TMEM245: variants seen among roughly 807,000 people sequenced by gnomAD.
TMEM245 encodes transmembrane protein 245.
Under a neutral mutation model 101.2 loss-of-function variants are expected in TMEM245, and 69 were observed. That is an observed-to-expected ratio of 0.68 (90% confidence interval 0.56 to 0.83). The LOEUF is 0.83. Ranked by LOEUF, TMEM245 falls within the 40% of genes least tolerant of loss-of-function variation. The pLI is 0.00. For synonymous variants in TMEM245, 537 were observed against 449.8 expected (o/e 1.19, Z -2.45); for missense variants, 1,075 against 1,092.8 (o/e 0.98, Z 0.23).
intron 3 of TMEM245, among the ~76,000 whole-genome samples, chr9:109,105,648 G>A (rs933440816): frequency 1.3e-5 from 2 of 152,132 alleles, no homozygotes; most frequent in Non-Finnish European, 2.9e-5. Context: ...CTCTTACCAT[G>A]GAATATTATT....
At chr9:109,073,589 T>C in intron 8 of TMEM245, 151 bp from the exon 9 acceptor site, 1 of 588,362 alleles carries the variant, frequency 1.7e-6, no homozygotes, top group Non-Finnish European at 3.0e-6. Flanking sequence ...CAGCGCAAAG[T>C]TACTATACAT....
chr9:109,034,508 G>A (rs759156787), intron 16 of TMEM245, among the ~76,000 whole-genome samples: 4 of 152,134 alleles, frequency 2.6e-5, no homozygotes, highest in Non-Finnish European at 1.5e-5. Flanking sequence ...ATGCAGTGCC[G>A]CAATCACAGC....
intron 14 of TMEM245, chr9:109,039,444 G>C (rs3829084): frequency 0.23 from 34,420 of 152,050 alleles, 4,719 homozygotes; most frequent in Admixed American, 0.3. Context: ...GGAAAGAATA[G>C]CAGTGTCTCA....
chr9:109,040,764 C>T (rs1386431853), intron 14 of TMEM245, among the ~76,000 whole-genome samples: 1 of 152,134 alleles, frequency 6.6e-6, no homozygotes, highest in Non-Finnish European at 1.5e-5. Context: ...TTGAGTATAT[C>T]AGTAGTTGGT....
At chr9:109,048,701 G>A (rs1039484512) in intron 14 of TMEM245, among the ~76,000 whole-genome samples, 16 of 152,154 alleles carry the variant, frequency 1.1e-4, no homozygotes, top group African/African-American at 3.9e-4. Context: ...GGCCTGCTCT[G>A]CAAAAGGGTC....
rs1827580332 is a variant in TMEM245 at position 109,020,304 on chromosome 9, T to C, written c.*156A>G. On this transcript the variant is annotated 3_prime_UTR_variant, in exon 18 of 18. Coordinates refer to ENST00000374586, the MANE Select transcript of TMEM245 (RefSeq NM_032012.4). ...ACAAAGCAGCCCGCAGCAAGTTCTCTCTTGTCCAGGCATTCTGTATGTAAG... is the reference window on the plus strand; with the variant it reads ...ACAAAGCAGCCCGCAGCAAGTTCTCCCTTGTCCAGGCATTCTGTATGTAAG... The C allele has an allele frequency of 1.3e-6, 1 of 775,154 alleles. No individual in the cohort carries two copies. The allele number at this position is 775,154 out of a possible 1,614,324, so 48.0% of individuals were successfully genotyped here.
chr9:109,098,327 T>G (rs1487439726), intron 3 of TMEM245, among the ~76,000 whole-genome samples: 1 of 152,204 alleles, frequency 6.6e-6, no homozygotes, highest in African/African-American at 2.4e-5. Context: ...CTGCACTATT[T>G]TTCTAGTTAA....
chr9:109,018,152 A>C lies in TMEM245; in HGVS notation c.*2308T>G, dbSNP rs1433434212. 1 of 152,252 alleles carries C rather than the reference A, an allele frequency of 6.6e-6. No homozygotes were observed. Among genetic ancestry groups the C allele is most frequent in the Non-Finnish European group, 1.5e-5 (1 of 68,044 alleles). The allele number at this position is 152,252 out of a possible 1,614,324, so 9.4% of individuals were successfully genotyped here. A position where few individuals can be genotyped will look rare whatever the true frequency, so the allele number is the denominator to read the frequency against. On this transcript the variant is annotated 3_prime_UTR_variant, in exon 18 of 18. Transcript: ENST00000374586. ...AGTTTTTTGCAATATCACTTTATAC[A>C]GCTAAAATCACTTTGTATATGTATA...
At chr9:109,023,977 G>A (rs555758724) in intron 17 of TMEM245, among the ~76,000 whole-genome samples, 3 of 152,106 alleles carry the variant, frequency 2.0e-5, no homozygotes, top group South Asian at 4.2e-4. Context: ...ACTGTTCCTT[G>A]CTCTTTGAAA....
intron 3 of TMEM245, among the ~76,000 whole-genome samples, chr9:109,098,517 C>T (rs1519466): frequency 0.9 from 136,742 of 151,796 alleles, 61,750 homozygotes; most frequent in African/African-American, 0.96. Flanking sequence ...CCTTCAGCAC[C>T]TCAAAAACCA....
chr9:109,037,230 A>G (rs1180812607), intron 15 of TMEM245, among the ~76,000 whole-genome samples: 1 of 152,246 alleles, frequency 6.6e-6, no homozygotes, highest in Non-Finnish European at 1.5e-5. Flanking sequence ...CCTCAGAAGC[A>G]TTCATCTTGC....
chr9:109,102,582 G>T (rs1018507187), intron 3 of TMEM245, among the ~76,000 whole-genome samples: 2 of 152,068 alleles, frequency 1.3e-5, no homozygotes, highest in African/African-American at 4.8e-5. Flanking sequence ...TAAAATGTGG[G>T]TTACAAAACA....
chr9:109,032,990 G>T (rs1176937559), intron 17 of TMEM245, among the ~76,000 whole-genome samples: 3 of 151,778 alleles, frequency 2.0e-5, no homozygotes, highest in Admixed American at 1.3e-4. Context: ...GTAGAGATGG[G>T]GTTTCGCCAT....
chr9:109,111,874 A>G (rs1830575748), intron 1 of TMEM245, among the ~76,000 whole-genome samples: 2 of 152,214 alleles, frequency 1.3e-5, no homozygotes, highest in Admixed American at 6.5e-5. Context: ...GATTTCAAGG[A>G]GTAATCTGCT....
rs1254166865 is a variant in TMEM245, at chr9:109,036,247, T to C, written c.2358A>G (p.Pro786=). 3 of 1,613,486 alleles carry C rather than the reference T, an allele frequency of 1.9e-6. No homozygotes were observed. Among genetic ancestry groups the C allele is most frequent in the African/African-American group, 1.3e-5 (1 of 74,880 alleles). Residue 786 remains proline (P), a synonymous_variant, in exon 16 of 18, where the codon CCA becomes CCG. Transcript: ENST00000374586. ...AGATTGCAGTATCTACAAAGTATGT[T>C]GGCAAGAGATGAAAAATCAACAGTA... The part of the protein sequence containing the change: ...AILLLIFHLL[P]TYFVDTAIYS...
rs760563240 is a variant in TMEM245, at chr9:109,108,433, A to AG, written c.697+19_697+20insC. 3 of 1,412,050 alleles carry AG rather than the reference A, an allele frequency of 2.1e-6. No homozygotes were observed. The highest frequency in any genetic ancestry group is 2.9e-6 in the Non-Finnish European group (3 of 1,050,926). 87.5% of individuals were successfully genotyped at this position (1,412,050 alleles called of 1,614,324 possible). The stretch of plus-strand genomic sequence containing the variant: ...TTAGGCTAGACTTAAAAAAAAAAAA[A>AG]AAAAAAAGAAGGAACCCACCTAAAT... On this transcript the variant is annotated intron_variant, in intron 2 of 17. Transcript: ENST00000374586.
chr9:109,084,897 G>T (rs1415226090), intron 7 of TMEM245, among the ~76,000 whole-genome samples: 2 of 152,050 alleles, frequency 1.3e-5, no homozygotes, highest in African/African-American at 4.8e-5. Flanking sequence ...TTTAGGCATT[G>T]TCAAGTCTCC....
chr9:109,115,374 G>C (rs1243597592), intron 1 of TMEM245, among the ~76,000 whole-genome samples: 1 of 151,176 alleles, frequency 6.6e-6, no homozygotes, highest in Non-Finnish European at 1.5e-5. Flanking sequence ...GAAAAACATA[G>C]GTCCCAAAGA....
intron 17 of TMEM245, among the ~76,000 whole-genome samples, chr9:109,028,356 T>A (rs1016506262): frequency 6.6e-6 from 1 of 150,470 alleles, no homozygotes; most frequent in Non-Finnish European, 1.5e-5. Context: ...CGGGAAGCTG[T>A]GGCGGGAGAA....
Sources: allele counts gnomAD v4.1 joint callset (sites outside exome capture counted in the v4.1 genomes callset), GRCh38; gene constraint gnomAD v4.1.1; transcripts MANE v1.5; gene names NCBI Gene and HGNC (gene_info 2026-07-23, HGNC 2026-07-21).